TMTC1: variants seen among roughly 807,000 people sequenced by gnomAD.
TMTC1 encodes transmembrane O-mannosyltransferase targeting cadherins 1.
Under a neutral mutation model 104.8 loss-of-function variants are expected in TMTC1, and 73 were observed. The observed-to-expected ratio is 0.70, with a 90% CI of 0.58 to 0.85. The LOEUF (loss-of-function observed/expected upper bound fraction) is 0.85, where lower values mean the gene tolerates loss of function less well. Among genes scored for constraint, TMTC1 ranks in the 40% least tolerant of loss-of-function variants. TMTC1 has a pLI of 0.00. For missense variants in TMTC1, 1,035 were observed against 1,096.1 expected (o/e 0.94, Z 0.79); for synonymous variants, 434 against 428.7 (o/e 1.01, Z -0.15).
Position 29,617,831 on chromosome 12 carries a change from C to A in TMTC1, c.1129-13532G>T, listed in dbSNP as rs374591830. ...TGGAGTGGGGGTTGGATGGGACCAG[C>A]ACATGTAGAACCTGTCAGGCCATTA... On this transcript the variant is annotated intron_variant, in intron 6 of 17. Transcript: ENST00000539277. 5.3e-5 allele frequency among the ~76,000 whole-genome samples: 8 copies of A among 152,056 alleles called. No homozygotes were observed. The East Asian group carries it at 1.3e-3, about 26-fold the overall frequency.
chr12:29,631,932 A>C (rs1938319852), intron 6 of TMTC1, among the ~76,000 whole-genome samples: 1 of 152,228 alleles, frequency 6.6e-6, no homozygotes, highest in Non-Finnish European at 1.5e-5. Context: ...TGAATTTTCC[A>C]ATCTCTGCTG....
chr12:29,525,807 C>G (rs1253822392), intron 11 of TMTC1, among the ~76,000 whole-genome samples: 1 of 152,158 alleles, frequency 6.6e-6, no homozygotes, highest in Non-Finnish European at 1.5e-5. Context: ...ATAAGACAAT[C>G]TAGTTGAATC....
intron 2 of TMTC1, among the ~76,000 whole-genome samples, chr12:29,761,192 A>G (rs1237512208): frequency 1.3e-5 from 2 of 150,368 alleles, no homozygotes; most frequent in East Asian, 1.9e-4. Flanking sequence ...TAGAAAGACA[A>G]TGAAGACTGG....
chr12:29,755,479 G>C (rs904939486), intron 4 of TMTC1, among the ~76,000 whole-genome samples: 1 of 152,064 alleles, frequency 6.6e-6, no homozygotes, highest in Non-Finnish European at 1.5e-5. Flanking sequence ...CCAAATCTGG[G>C]GCTCACAAAA....
intron 11 of TMTC1, among the ~76,000 whole-genome samples, chr12:29,522,005 T>C (rs1944182178): frequency 6.6e-6 from 1 of 152,168 alleles, no homozygotes; most frequent in South Asian, 2.1e-4. Context: ...ATGTCATCTT[T>C]TCCTAGTACA....
chr12:29,689,765 C>T (rs960709675), intron 5 of TMTC1, among the ~76,000 whole-genome samples: 2 of 152,186 alleles, frequency 1.3e-5, no homozygotes, highest in Admixed American at 1.3e-4. Flanking sequence ...GTGCTCCCTT[C>T]TGTTTGTGTA....
At chr12:29,514,236 C>A (rs1197214115) in intron 16 of TMTC1, among the ~76,000 whole-genome samples, 4 of 152,108 alleles carry the variant, frequency 2.6e-5, no homozygotes, top group Non-Finnish European at 4.4e-5. Context: ...ATGTGGAATG[C>A]TGTCAACATC....
At chr12:29,737,440 G>A (rs1942708730) in intron 5 of TMTC1, among the ~76,000 whole-genome samples, 1 of 152,180 alleles carries the variant, frequency 6.6e-6, no homozygotes, top group Non-Finnish European at 1.5e-5. Context: ...CTTGAACCTG[G>A]GAGGCGGGGG....
intron 1 of TMTC1, among the ~76,000 whole-genome samples, chr12:29,770,773 C>T (rs146671689): frequency 3.9e-4 from 59 of 152,198 alleles, no homozygotes; most frequent in African/African-American, 1.4e-3. Context: ...CTCCAAATTA[C>T]AGACAAGTAA....
intron 6 of TMTC1, among the ~76,000 whole-genome samples, chr12:29,626,857 T>C (rs1005566249): frequency 6.6e-6 from 1 of 152,160 alleles, no homozygotes; most frequent in Non-Finnish European, 1.5e-5. Flanking sequence ...TCCCAGCACT[T>C]TGGGAGGCCA....
intron 6 of TMTC1, among the ~76,000 whole-genome samples, chr12:29,612,720 C>T (rs1946876500): frequency 6.6e-6 from 1 of 152,248 alleles, no homozygotes; most frequent in East Asian, 1.9e-4. Context: ...TGGCCTCATC[C>T]ACTCATCTTG....
chr12:29,752,070 C>A (rs1489459286), intron 4 of TMTC1, among the ~76,000 whole-genome samples, 198 bp from the exon 5 acceptor site: 1 of 151,746 alleles, frequency 6.6e-6, no homozygotes, highest in East Asian at 1.9e-4. Context: ...CAATTTTAGA[C>A]CTTATCGTAT....
At chr12:29,563,250 T>C (rs1945423905) in intron 9 of TMTC1, among the ~76,000 whole-genome samples, 1 of 152,200 alleles carries the variant, frequency 6.6e-6, no homozygotes, top group African/African-American at 2.4e-5. Flanking sequence ...CCAAATGGAA[T>C]TCCAGACACG....
intron 8 of TMTC1, among the ~76,000 whole-genome samples, chr12:29,575,651 A>G (rs1472902990): frequency 1.3e-5 from 2 of 152,152 alleles, no homozygotes; most frequent in Non-Finnish European, 2.9e-5. Flanking sequence ...ATCTGAAAGC[A>G]GCAGACCCCA....
At chr12:29,571,583 TACACACAC>T (rs36015543) in intron 9 of TMTC1, among the ~76,000 whole-genome samples, 1 of 148,040 alleles carries the variant, frequency 6.8e-6, no homozygotes, top group Non-Finnish European at 1.5e-5. Flanking sequence ...CACACACACA[TACACACAC>T]ACACACACAC....
intron 6 of TMTC1, among the ~76,000 whole-genome samples, chr12:29,626,636 A>T (rs1453083398): frequency 6.6e-6 from 1 of 152,218 alleles, no homozygotes; most frequent in Non-Finnish European, 1.5e-5. Context: ...ACACCCAAAG[A>T]TTAACTCAAA....
chr12:29,758,582 T>C lies in TMTC1; in HGVS notation c.554+122A>G, dbSNP rs527977817. The C allele has an allele frequency of 6.8e-5, 66 of 969,152 alleles. No individual in the cohort carries two copies. In the African/African-American group the frequency reaches 9.7e-4, roughly 14 times the overall value. 60.0% of individuals were successfully genotyped at this position (969,152 alleles called of 1,614,324 possible). A position where few individuals can be genotyped will look rare whatever the true frequency, so the allele number is the denominator to read the frequency against. On this transcript the variant is annotated intron_variant, in intron 3 of 17. Coordinates refer to ENST00000539277, the MANE Select transcript of TMTC1 (RefSeq NM_001193451.2). Reference sequence around the variant, plus strand: ...CAAGCAGAGAGTTTCCTATTCCTGGTCCCTGGAAATCTTGCTTAGCATTTC... The same window carrying C: ...CAAGCAGAGAGTTTCCTATTCCTGGCCCCTGGAAATCTTGCTTAGCATTTC...
chr12:29,603,197 A>G (rs570706838), intron 7 of TMTC1, among the ~76,000 whole-genome samples: 58 of 152,304 alleles, frequency 3.8e-4, no homozygotes, highest in Admixed American at 2.7e-3. Context: ...TCAAAACCAC[A>G]TGCTGCAAAG....
chr12:29,574,016 G>A (rs1945753813), intron 8 of TMTC1, among the ~76,000 whole-genome samples: 1 of 152,096 alleles, frequency 6.6e-6, no homozygotes. Flanking sequence ...GGGAGGGGAT[G>A]GGAGTGGAGC....
Sources: gnomAD v4.1 joint callset for allele counts (sites outside exome capture counted in the v4.1 genomes callset) on GRCh38, gnomAD v4.1.1 for gene constraint, MANE v1.5 for transcripts, NCBI Gene and HGNC (gene_info 2026-07-23, HGNC 2026-07-21) for gene names.